CFAP46: variants seen among roughly 807,000 people sequenced by gnomAD.
The protein encoded by CFAP46 is cilia- and flagella-associated protein 46.
Under a neutral mutation model 325.7 loss-of-function variants are expected in CFAP46, and 245 were observed. That is an observed-to-expected ratio of 0.75 (90% CI 0.68 to 0.84). CFAP46 has a LOEUF of 0.84. Ranked by LOEUF, CFAP46 falls within the 40% of genes least tolerant of loss-of-function variation. CFAP46 has a pLI of 0.00. For synonymous variants in CFAP46, 1,523 were observed against 1,495.9 expected (o/e 1.02, Z -0.42); for missense variants, 3,346 against 3,543.0 (o/e 0.94, Z 1.41).
intron 54 of CFAP46, among the ~76,000 whole-genome samples, chr10:132,813,178 G>A (rs923354691): frequency 6.6e-6 from 1 of 152,058 alleles, no homozygotes; most frequent in Non-Finnish European, 1.5e-5. Context: ...GAAACGCTAG[G>A]AGGGGCTTTC....
intron 5 of CFAP46, 75 bp downstream of exon 5, chr10:132,938,514 G>A (rs562460588): frequency 7.0e-7 from 1 of 1,432,612 alleles, no homozygotes; most frequent in Non-Finnish European, 9.6e-7. Context: ...CCCCCCCCCG[G>A]AGAAGGGGTG....
chr10:132,881,529 T>C (rs2135373035), intron 27 of CFAP46, among the ~76,000 whole-genome samples: 1 of 152,300 alleles, frequency 6.6e-6, no homozygotes, highest in South Asian at 2.1e-4. Flanking sequence ...AACTTGGCCA[T>C]CATCGCTACA....
chr10:132,860,957 G>A lies in CFAP46; in HGVS notation c.4916C>T (p.Ala1639Val). 6.4e-7 allele frequency: 1 copy of A among 1,550,676 alleles called. No homozygotes were observed. Among genetic ancestry groups the A allele is most frequent in the Non-Finnish European group, 8.7e-7 (1 of 1,147,036 alleles). The change falls in exon 36 of 58, where the codon GCC becomes GTC. Residue 1639 changes from alanine to valine, a missense_variant. Coordinates refer to ENST00000368586, the MANE Select transcript of CFAP46 (RefSeq NM_001200049.3). The part of the protein sequence containing the change: ...FQELDEPCAE[A>V]QCLLLLAQLA... Reference sequence around the variant, plus strand: ...CTGTGCGAGGAGGAGCAGGCACTGGGCCTCTGCACAAGGCTCATCCAGCTC... The same window carrying A: ...CTGTGCGAGGAGGAGCAGGCACTGGACCTCTGCACAAGGCTCATCCAGCTC...
At chr10:132,836,112 C>G in intron 46 of CFAP46, 30 bp downstream of exon 46, 1 of 1,574,260 alleles carries the variant, frequency 6.4e-7, no homozygotes, top group Non-Finnish European at 8.6e-7. Context: ...TGCCCTGCTC[C>G]CCCTCCCCCT....
chr10:132,872,496 T>C (rs1177327810), intron 32 of CFAP46, 180 bp downstream of exon 32: 2 of 738,322 alleles, frequency 2.7e-6, no homozygotes, highest in Middle Eastern at 3.8e-4. Flanking sequence ...TGGGATCAAA[T>C]AGTCCTCCCG....
In CFAP46 at chr10:132,876,062, G is replaced by A. The variant is rs1848953444; in HGVS notation, c.4362+750C>T. Among the ~76,000 whole-genome samples, 2 of 152,192 alleles carry A rather than the reference G, an allele frequency of 1.3e-5. No homozygotes were observed. Among genetic ancestry groups the A allele is most frequent in the Non-Finnish European group, 2.9e-5 (2 of 68,030 alleles). ...ATTAAATATGGGCGACAGCCTGGAGGGCACATCACAAAAGAGGACCTCCAA... is the reference window on the plus strand; with the variant it reads ...ATTAAATATGGGCGACAGCCTGGAGAGCACATCACAAAAGAGGACCTCCAA... On this transcript the variant is annotated intron_variant, in intron 31 of 57. Coordinates refer to ENST00000368586, the MANE Select transcript of CFAP46 (RefSeq NM_001200049.3). This position sits in a 1 kb window ranked among gnomAD's most constrained non-coding sequence, Gnocchi z 4.1.
chr10:132,898,499 C>CT (rs2135473336), intron 24 of CFAP46: 1 of 311,928 alleles, frequency 3.2e-6, no homozygotes, highest in Admixed American at 4.7e-5. Context: ...TCCCCTGGGC[C>CT]TTGGGGGCTC....
chr10:132,830,016 G>A, intron 50 of CFAP46, among the ~76,000 whole-genome samples: 1 of 151,646 alleles, frequency 6.6e-6, no homozygotes, highest in East Asian at 1.9e-4. Context: ...TCTTTTTCTG[G>A]GTTTGGTATC....
At chr10:132,823,805 GC>G (rs1847956237) in intron 50 of CFAP46, among the ~76,000 whole-genome samples, 1 of 125,070 alleles carries the variant, frequency 8.0e-6, no homozygotes, top group Non-Finnish European at 1.7e-5. Context: ...CTGTGTGTGT[GC>G]TGTGTGCTGT....
In CFAP46 at chr10:132,909,768, T is replaced by C. The variant is rs1849513311; in HGVS notation, c.2649+151A>G. Reference sequence around the variant, plus strand: ...CACACTCAAGGGCAGCCAGCGGCGGTGAGCTCAGTGGGAAAAGGGAGTGCC... The same window carrying C: ...CACACTCAAGGGCAGCCAGCGGCGGCGAGCTCAGTGGGAAAAGGGAGTGCC... On this transcript the variant is annotated intron_variant, in intron 20 of 57. Transcript: ENST00000368586. 3 of 702,546 alleles carry C rather than the reference T, an allele frequency of 4.3e-6. No individual in the cohort carries two copies. In the East Asian group the frequency reaches 9.7e-5, roughly 23 times the overall value. 43.5% of individuals were successfully genotyped at this position (702,546 alleles called of 1,614,324 possible).
intron 6 of CFAP46, 42 bp from the exon 7 acceptor site, chr10:132,937,097 A>C: frequency 1.6e-6 from 2 of 1,246,836 alleles, no homozygotes; most frequent in Non-Finnish European, 2.2e-6. Context: ...GATTCAAACA[A>C]TTCGGTAGAG....
chr10:132,848,057 C>T (rs187458986), intron 41 of CFAP46, among the ~76,000 whole-genome samples: 4 of 152,168 alleles, frequency 2.6e-5, no homozygotes, highest in African/African-American at 7.2e-5. Flanking sequence ...GCCGTTCAGA[C>T]GTGTGCAGAA....
Position 132,817,284 on chromosome 10 carries a change from C to T in CFAP46, c.7118-2370G>A, listed in dbSNP as rs576724776. Among the ~76,000 whole-genome samples, 72 of 152,316 alleles carry T rather than the reference C, an allele frequency of 4.7e-4. No homozygotes were observed. The highest frequency in any genetic ancestry group is 1.5e-3 in the African/African-American group (64 of 41,564). ...CTCTGAGAGTCAGACACCGGCCCTC[C>T]GGGTTACTCTTAAATATTTACTCAT... On this transcript the variant is annotated intron_variant, in intron 50 of 57. Coordinates refer to ENST00000368586, the MANE Select transcript of CFAP46 (RefSeq NM_001200049.3). The surrounding 1 kb of genome is among the most constrained non-coding windows in gnomAD (Gnocchi z 4.4).
rs539460480 is a variant in CFAP46, at chr10:132,899,248, C to T, written c.3057-127G>A. ...CGCTCGCTCCCTCCTGGGCATGTGGCTTGCTCAGGAGTCCCTGCTGCATCC... is the reference window on the plus strand; with the variant it reads ...CGCTCGCTCCCTCCTGGGCATGTGGTTTGCTCAGGAGTCCCTGCTGCATCC... On this transcript the variant is annotated intron_variant, in intron 23 of 57. Coordinates refer to ENST00000368586, the MANE Select transcript of CFAP46 (RefSeq NM_001200049.3). 48 of 1,124,826 alleles carry T rather than the reference C, an allele frequency of 4.3e-5. 1 individual carries two copies. The highest frequency in any genetic ancestry group is 3.0e-4 in the Middle Eastern group (1 of 3,312). 69.7% of individuals were successfully genotyped at this position (1,124,826 alleles called of 1,614,324 possible).
chr10:132,921,294 G>C (rs1210520005), intron 13 of CFAP46, among the ~76,000 whole-genome samples: 2 of 152,222 alleles, frequency 1.3e-5, no homozygotes, highest in Non-Finnish European at 2.9e-5. Context: ...GGGCTCCCAA[G>C]CCAGGCCCAG....
At chr10:132,905,525 A>G (rs1428665274) in intron 22 of CFAP46, among the ~76,000 whole-genome samples, 1 of 142,264 alleles carries the variant, frequency 7.0e-6, no homozygotes, top group Non-Finnish European at 1.5e-5. Flanking sequence ...AAAATGGTGT[A>G]TGGGAAGTAC....
intron 19 of CFAP46, among the ~76,000 whole-genome samples, chr10:132,911,485 A>C (rs1423026333): frequency 6.6e-6 from 1 of 152,090 alleles, no homozygotes; most frequent in Non-Finnish European, 1.5e-5. Flanking sequence ...GAGACACTCA[A>C]GGCCTCCCTG....
rs1848833576 is a variant in CFAP46 at position 132,867,498 on chromosome 10, T to C, written c.4620A>G (p.Lys1540=). The C allele has an allele frequency of 6.5e-7, 1 of 1,549,954 alleles. No individual in the cohort carries two copies. The highest frequency in any genetic ancestry group is 2.0e-5 in the Admixed American group (1 of 50,888). Reference sequence around the variant, plus strand: ...TTTTCTCTTTTTTCAACGCGATCTCTTTTCTGCAGCTAATGCGAGGAAAAC... The same window carrying C: ...TTTTCTCTTTTTTCAACGCGATCTCCTTTCTGCAGCTAATGCGAGGAAAAC... ...VSELEQASCR[K]EIALKKEKNK... The change falls in exon 34 of 58, where the codon AAA becomes AAG. Residue 1540 remains lysine (K), a synonymous_variant. Transcript: ENST00000368586.
rs537957775 is a variant in CFAP46 at position 132,863,182 on chromosome 10, G to A, written c.4891-2200C>T. 6.6e-4 allele frequency among the ~76,000 whole-genome samples: 100 copies of A among 152,160 alleles called. 1 individual carries two copies. The highest frequency in any genetic ancestry group is 2.3e-3 in the African/African-American group (94 of 41,502). Reference sequence around the variant, plus strand: ...CCCAAGTCCCAGAGCTCAGGACCACGGAGGCCCCGGCATGCAGCAGACTCA... The same window carrying A: ...CCCAAGTCCCAGAGCTCAGGACCACAGAGGCCCCGGCATGCAGCAGACTCA... On this transcript the variant is annotated intron_variant, in intron 35 of 57. Coordinates refer to ENST00000368586, the MANE Select transcript of CFAP46 (RefSeq NM_001200049.3).
Sources: allele counts gnomAD v4.1 joint callset (sites outside exome capture counted in the v4.1 genomes callset), GRCh38; gene constraint gnomAD v4.1.1; non-coding constraint Gnocchi (gnomAD v3.1); transcripts MANE v1.5; gene names NCBI Gene and HGNC (gene_info 2026-07-23, HGNC 2026-07-21).